The following ETV6 variants were observed in gnomAD, a reference collection of about 807,000 sequenced individuals.
The protein encoded by ETV6 is transcription factor ETV6.
Under a neutral mutation model 51.1 loss-of-function variants are expected in ETV6, and 16 were observed. The ratio of observed to expected loss-of-function variants is 0.31; its 90% confidence interval spans 0.21 to 0.48. The LOEUF is 0.48. Ranked by LOEUF, ETV6 falls within the 20% of genes least tolerant of loss-of-function variation. The pLI, the probability that ETV6 is intolerant of heterozygous loss-of-function variation, is 0.99. For synonymous variants in ETV6, 240 were observed against 224.1 expected (o/e 1.07, Z -0.64); for missense variants, 458 against 594.8 (o/e 0.77, Z 2.39).
chr12:11,710,816 A>C (rs757558345), intron 1 of ETV6, among the ~76,000 whole-genome samples: 4 of 152,222 alleles, frequency 2.6e-5, no homozygotes. Flanking sequence ...AGCCCTAAGA[A>C]GAAATCCTGT....
rs114667581 is a variant in ETV6 at position 11,765,000 on chromosome 12, C to A, written c.163+12421C>A. ...CTTGCCTTCCAATAGAAGCCAAAGC[C>A]CTATTGCCTAATCTCTTCACTTTAA... On this transcript the variant is annotated intron_variant, in intron 2 of 7. Transcript: ENST00000396373. 5.2e-3 allele frequency among the ~76,000 whole-genome samples: 793 copies of A among 152,222 alleles called. 5 individuals carry two copies. Among genetic ancestry groups the A allele is most frequent in the African/African-American group, 0.018 (743 of 41,522 alleles).
chr12:11,696,207 ATATTGATTTTTACTTGT>A (rs1392184801), intron 1 of ETV6, among the ~76,000 whole-genome samples: 2 of 152,062 alleles, frequency 1.3e-5, no homozygotes, highest in African/African-American at 4.8e-5. Flanking sequence ...TCAGTCTCTG[ATATTGATTTTTACTTGT>A]TTCTTAATGT....
chr12:11,831,016 A>T (rs531013463), intron 2 of ETV6, among the ~76,000 whole-genome samples: 2 of 152,316 alleles, frequency 1.3e-5, no homozygotes, highest in East Asian at 3.9e-4. Context: ...TTATGATCTC[A>T]TGATCTGAAT....
intron 1 of ETV6, among the ~76,000 whole-genome samples, chr12:11,669,356 G>T (rs868539622): frequency 7.7e-5 from 9 of 116,960 alleles, no homozygotes; most frequent in Admixed American, 1.6e-4. Context: ...CCGTCCTCCT[G>T]TCCTCCCTTC....
chr12:11,773,456 T>C (rs758402427), intron 2 of ETV6, among the ~76,000 whole-genome samples: 2 of 152,210 alleles, frequency 1.3e-5, no homozygotes, highest in Non-Finnish European at 2.9e-5. Context: ...ATGGTTTCCT[T>C]ATTGTGAAAT....
chr12:11,650,199 C>T (rs202090238), intron 1 of ETV6, 39 bp downstream of exon 1: 4 of 1,580,954 alleles, frequency 2.5e-6, no homozygotes, highest in Non-Finnish European at 3.5e-6. Context: ...GGTGGAAACC[C>T]TGAGCTGCAC....
intron 3 of ETV6, among the ~76,000 whole-genome samples, chr12:11,841,089 A>G (rs1030474766): frequency 6.6e-6 from 1 of 152,228 alleles, no homozygotes; most frequent in African/African-American, 2.4e-5. Flanking sequence ...CCAAGTCTCT[A>G]TAAATTTCCC....
chr12:11,708,563 T>C (rs1865114619), intron 1 of ETV6, among the ~76,000 whole-genome samples: 1 of 152,222 alleles, frequency 6.6e-6, no homozygotes, highest in African/African-American at 2.4e-5. Context: ...CATTCCCTTC[T>C]ACAAGCCTTG....
chr12:11,860,979 T>C, intron 4 of ETV6, among the ~76,000 whole-genome samples: 1 of 152,196 alleles, frequency 6.6e-6, no homozygotes, highest in East Asian at 1.9e-4. Flanking sequence ...GGAAAATACA[T>C]TTAAAGTGCC....
intron 2 of ETV6, among the ~76,000 whole-genome samples, chr12:11,836,441 G>C (rs1946316510): frequency 6.6e-6 from 1 of 152,118 alleles, no homozygotes; most frequent in Non-Finnish European, 1.5e-5. Context: ...GTAACTTGCT[G>C]GGTTCCTCTT....
chr12:11,703,481 A>G (rs906814748), intron 1 of ETV6, among the ~76,000 whole-genome samples: 3 of 152,226 alleles, frequency 2.0e-5, no homozygotes, highest in African/African-American at 7.2e-5. Context: ...ATATTAAAAA[A>G]AAAAACAGAA....
At chr12:11,827,070 TCACACA>T (rs55959869) in intron 2 of ETV6, among the ~76,000 whole-genome samples, 14,373 of 145,056 alleles carry the variant, frequency 0.099, 886 homozygotes, top group African/African-American at 0.17. Context: ...GAAGTCTGTC[TCACACA>T]CACACACACA....
At chr12:11,690,161 G>A (rs1864725611) in intron 1 of ETV6, among the ~76,000 whole-genome samples, 1 of 151,392 alleles carries the variant, frequency 6.6e-6, no homozygotes, top group Admixed American at 6.6e-5. Context: ...AGACTGAGAA[G>A]GGGCGTAGGG....
chr12:11,756,204 G>A (rs1372577469), intron 2 of ETV6, among the ~76,000 whole-genome samples: 1 of 152,174 alleles, frequency 6.6e-6, no homozygotes, highest in African/African-American at 2.4e-5. Flanking sequence ...TGGCAAAGAA[G>A]CCTGGGCAGA....
At chr12:11,865,117 G>A (rs1398965981) in intron 4 of ETV6, among the ~76,000 whole-genome samples, 1 of 152,080 alleles carries the variant, frequency 6.6e-6, no homozygotes, top group Non-Finnish European at 1.5e-5. Context: ...CAGGCATGGT[G>A]GCGGGCACCT....
intron 1 of ETV6, among the ~76,000 whole-genome samples, chr12:11,676,681 GA>G (rs1864427558): frequency 6.6e-6 from 1 of 152,140 alleles, no homozygotes; most frequent in African/African-American, 2.4e-5. Context: ...CATCCGTTTT[GA>G]AACTTCTATC....
At chr12:11,778,301 C>T (rs757753333) in intron 2 of ETV6, among the ~76,000 whole-genome samples, 6 of 152,194 alleles carry the variant, frequency 3.9e-5, no homozygotes, top group African/African-American at 7.2e-5. Context: ...GCCTGGCGAG[C>T]GCACACGCGT....
chr12:11,804,143 A>T (rs1945792267), intron 2 of ETV6, among the ~76,000 whole-genome samples: 1 of 152,174 alleles, frequency 6.6e-6, no homozygotes, highest in Non-Finnish European at 1.5e-5. Context: ...AAGTGCTGGG[A>T]TATATCAGTG....
chr12:11,850,367 G>C (rs1281638351), intron 3 of ETV6, among the ~76,000 whole-genome samples: 1 of 152,126 alleles, frequency 6.6e-6, no homozygotes, highest in African/African-American at 2.4e-5. Context: ...GAGACGTCCA[G>C]AGAACCCAAG....
Sources: gnomAD v4.1 joint callset for allele counts (sites outside exome capture counted in the v4.1 genomes callset) on GRCh38, gnomAD v4.1.1 for gene constraint, MANE v1.5 for transcripts, NCBI Gene and HGNC (gene_info 2026-07-23, HGNC 2026-07-21) for gene names.